TENM3: variants seen among roughly 807,000 people sequenced by gnomAD.
TENM3 encodes the protein teneurin-3.
TENM3 carries 63 observed loss-of-function variants against 255.1 expected under a neutral mutation model. The observed-to-expected ratio is 0.25, with a 90% CI of 0.20 to 0.30. The LOEUF (loss-of-function observed/expected upper bound fraction) is 0.30, where lower values mean the gene tolerates loss of function less well. TENM3 is among the 10% of genes least tolerant of loss of function. TENM3 has a pLI of 1.00. For synonymous variants in TENM3, 1,306 were observed against 1,322.3 expected (o/e 0.99, Z 0.27); for missense variants, 2,929 against 3,461.1 (o/e 0.85, Z 3.86).
In TENM3 at chr4:182,796,674, G is replaced by C. The variant is rs1579549205; in HGVS notation, c.7251G>C (p.Leu2417=). 3 of 1,612,514 alleles carry C rather than the reference G, an allele frequency of 1.9e-6. No individual in the cohort carries two copies. The highest frequency in any genetic ancestry group is 4.5e-5 in the East Asian group (2 of 44,852). ...GGCTGGTGACATTTGGTTTCCATCT[G>C]CACAATGCTATTCCTGGATTCCCTG... The part of the protein sequence containing the change: ...NSWLVTFGFH[L]HNAIPGFPVP... The change falls in exon 27 of 28, where the codon CTG becomes CTC. Residue 2417 remains leucine, a synonymous_variant. Coordinates refer to ENST00000511685, the MANE Select transcript of TENM3 (RefSeq NM_001080477.4).
chr4:182,126,871 C>A, the TENM3 span, among the ~76,000 whole-genome samples: 1 of 152,214 alleles, frequency 6.6e-6, no homozygotes, highest in Non-Finnish European at 1.5e-5. Flanking sequence ...TCCCCATCCC[C>A]ACCCCATCCT....
chr4:182,484,062 C>T (rs1206491362), intron 3 of TENM3, among the ~76,000 whole-genome samples: 1 of 152,148 alleles, frequency 6.6e-6, no homozygotes, highest in Non-Finnish European at 1.5e-5. Flanking sequence ...CTCATGCTTT[C>T]TTACTATCAA....
At chr4:182,114,421 G>A in the TENM3 span, among the ~76,000 whole-genome samples, 4 of 151,800 alleles carry the variant, frequency 2.6e-5, no homozygotes, top group African/African-American at 9.7e-5. Context: ...TTTTATTTAT[G>A]TATTTATTTT....
intron 3 of TENM3, among the ~76,000 whole-genome samples, chr4:182,441,627 A>G (rs888229133): frequency 4.6e-5 from 7 of 152,150 alleles, no homozygotes; most frequent in Admixed American, 6.5e-5. Flanking sequence ...CCTCCCTAGT[A>G]GCTGGGACTA....
the TENM3 span, among the ~76,000 whole-genome samples, chr4:182,074,012 G>A: frequency 3.2e-4 from 48 of 152,056 alleles, no homozygotes; most frequent in African/African-American, 1.1e-3. Context: ...CTGAATTTTC[G>A]ATACTCAATA....
chr4:182,760,502 A>G (rs947828276), intron 22 of TENM3, among the ~76,000 whole-genome samples: 1 of 152,296 alleles, frequency 6.6e-6, no homozygotes, highest in South Asian at 2.1e-4. Flanking sequence ...ATGAAAAACT[A>G]TGAATTCTGG....
intron 3 of TENM3, among the ~76,000 whole-genome samples, chr4:182,388,905 T>C (rs1422592737): frequency 6.6e-6 from 1 of 152,138 alleles, no homozygotes; most frequent in Non-Finnish European, 1.5e-5. Flanking sequence ...CCAAGACAGA[T>C]GGAGGTGATG....
At chr4:181,822,161 AC>A in the TENM3 span, among the ~76,000 whole-genome samples, 1 of 151,084 alleles carries the variant, frequency 6.6e-6, no homozygotes, top group Non-Finnish European at 1.5e-5. Context: ...CCTCCCTCAC[AC>A]CCCCCCACTT....
chr4:181,769,573 C>T, the TENM3 span, among the ~76,000 whole-genome samples: 4 of 152,098 alleles, frequency 2.6e-5, no homozygotes, highest in Admixed American at 6.6e-5. Flanking sequence ...TTTTAAAATC[C>T]GATCATTCAT....
chr4:182,027,280 AC>A, the TENM3 span, among the ~76,000 whole-genome samples: 1 of 152,090 alleles, frequency 6.6e-6, no homozygotes, highest in Non-Finnish European at 1.5e-5. Context: ...CAGATTGCTC[AC>A]CGTTGGCATA....
chr4:181,499,715 G>A, the TENM3 span, among the ~76,000 whole-genome samples: 1 of 152,178 alleles, frequency 6.6e-6, no homozygotes, highest in Non-Finnish European at 1.5e-5. Flanking sequence ...GTAAAGGGAT[G>A]TGCCTGAAGC....
chr4:182,544,634 A>G (rs62339068), intron 3 of TENM3, among the ~76,000 whole-genome samples: 2,195 of 152,208 alleles, frequency 0.014, 22 homozygotes, highest in Middle Eastern at 0.037. Context: ...GTAACCTCTC[A>G]GTCTCCTTAG....
upstream of TENM3, among the ~76,000 whole-genome samples, chr4:182,243,207 CG>C (rs571752189): frequency 3.1e-4 from 47 of 152,270 alleles, 2 homozygotes; most frequent in South Asian, 8.3e-3. Context: ...TTCCACCTCC[CG>C]GGTTCAAGCA....
At chr4:182,742,728 C>T (rs1437648333) in intron 18 of TENM3, among the ~76,000 whole-genome samples, 4 of 152,136 alleles carry the variant, frequency 2.6e-5, no homozygotes, top group African/African-American at 4.8e-5. Flanking sequence ...CCTGGTTGCA[C>T]GTTAAGATCA....
chr4:181,910,606 AT>A, the TENM3 span, among the ~76,000 whole-genome samples: 2 of 148,858 alleles, frequency 1.3e-5, no homozygotes, highest in Admixed American at 6.7e-5. Context: ...ATATATATAT[AT>A]ATAAATACAC....
At chr4:181,763,408 A>G in the TENM3 span, among the ~76,000 whole-genome samples, 1 of 152,208 alleles carries the variant, frequency 6.6e-6, no homozygotes, top group Non-Finnish European at 1.5e-5. Flanking sequence ...TAAAGTGTCA[A>G]AAAACAATAA....
the TENM3 span, among the ~76,000 whole-genome samples, chr4:181,570,586 A>G: frequency 6.7e-6 from 1 of 148,680 alleles, no homozygotes; most frequent in Non-Finnish European, 1.5e-5. Flanking sequence ...AGAGAGAAAA[A>G]GAAAGAAAAA....
At chr4:182,382,032 A>C (rs1419736444) in intron 3 of TENM3, among the ~76,000 whole-genome samples, 1 of 152,204 alleles carries the variant, frequency 6.6e-6, no homozygotes, top group African/African-American at 2.4e-5. Flanking sequence ...ACAGTAGAGA[A>C]ACCTAGGACG....
intron 6 of TENM3, among the ~76,000 whole-genome samples, chr4:182,654,239 C>A (rs1753568217): frequency 6.6e-6 from 1 of 152,136 alleles, no homozygotes; most frequent in African/African-American, 2.4e-5. Context: ...TTTCTTCATT[C>A]AACTTGCGTG....
Sources: allele counts gnomAD v4.1 joint callset (sites outside exome capture counted in the v4.1 genomes callset), GRCh38; gene constraint gnomAD v4.1.1; transcripts MANE v1.5; gene names NCBI Gene and HGNC (gene_info 2026-07-23, HGNC 2026-07-21).